ENOX1: variants seen among roughly 807,000 people sequenced by gnomAD.
ENOX1 encodes ecto-NOX disulfide-thiol exchanger 1.
In ENOX1, 42 loss-of-function variants were observed where a neutral mutation model predicts 82.5. The ratio of observed to expected loss-of-function variants is 0.51; its 90% CI spans 0.40 to 0.66. The LOEUF is 0.66. Ranked by LOEUF, ENOX1 falls within the 30% of genes least tolerant of loss-of-function variation. The pLI, the probability that ENOX1 is intolerant of heterozygous loss-of-function variation, is 0.00. For missense variants in ENOX1, 608 were observed against 811.6 expected (o/e 0.75, Z 3.05); for synonymous variants, 271 against 282.2 (o/e 0.96, Z 0.40).
intron 2 of ENOX1, among the ~76,000 whole-genome samples, chr13:43,576,823 G>A (rs1168145316): frequency 6.6e-6 from 1 of 152,150 alleles, no homozygotes; most frequent in African/African-American, 2.4e-5. Context: ...CTCCATGAGG[G>A]CAGGAAAATG....
chr13:43,368,968 A>G (rs565582937), intron 5 of ENOX1, among the ~76,000 whole-genome samples: 4 of 152,152 alleles, frequency 2.6e-5, no homozygotes, highest in Admixed American at 1.3e-4. Context: ...CTGTCTCTCC[A>G]GCATGCCTTC....
intron 3 of ENOX1, among the ~76,000 whole-genome samples, chr13:43,441,550 C>G (rs2056356428): frequency 6.6e-6 from 1 of 152,132 alleles, no homozygotes; most frequent in South Asian, 2.1e-4. Context: ...ACTAGATGCT[C>G]TAGGCTAGAA....
chr13:43,725,300 C>A (rs1415789772), intron 1 of ENOX1, among the ~76,000 whole-genome samples: 2 of 152,130 alleles, frequency 1.3e-5, no homozygotes, highest in Non-Finnish European at 2.9e-5. Context: ...AATGCAATGA[C>A]TACAAAAGAC....
intron 12 of ENOX1, among the ~76,000 whole-genome samples, chr13:43,293,231 C>G (rs2046102334): frequency 6.6e-6 from 1 of 152,074 alleles, no homozygotes; most frequent in South Asian, 2.1e-4. Context: ...AGTCACCATC[C>G]TCTCACTACA....
chr13:43,467,556 A>G (rs1250378586), intron 3 of ENOX1, among the ~76,000 whole-genome samples: 1 of 147,232 alleles, frequency 6.8e-6, no homozygotes, highest in Non-Finnish European at 1.5e-5. Flanking sequence ...TATATCTGGT[A>G]TACTCTTTAT....
intron 2 of ENOX1, among the ~76,000 whole-genome samples, chr13:43,588,107 C>T (rs530667267): frequency 8.4e-4 from 128 of 152,260 alleles, no homozygotes; most frequent in African/African-American, 2.9e-3. Flanking sequence ...CTAATTAACT[C>T]CTTAAAAAAT....
chr13:43,749,878 T>C (rs955342543), intron 1 of ENOX1, among the ~76,000 whole-genome samples: 1 of 152,220 alleles, frequency 6.6e-6, no homozygotes, highest in African/African-American at 2.4e-5. Flanking sequence ...GATCCTTTGT[T>C]GAATTTATTA....
At chr13:43,531,688 C>T (rs1178552009) in intron 2 of ENOX1, among the ~76,000 whole-genome samples, 23 of 145,386 alleles carry the variant, frequency 1.6e-4, no homozygotes, top group Non-Finnish European at 1.8e-4. Context: ...TGTCCAACAA[C>T]GATAGACTGG....
intron 1 of ENOX1, among the ~76,000 whole-genome samples, chr13:43,706,556 T>G (rs55656735): frequency 6.6e-6 from 1 of 151,958 alleles, no homozygotes; most frequent in Middle Eastern, 3.4e-3. Flanking sequence ...AGCTTGACCA[T>G]ATGGTATTTT....
intron 5 of ENOX1, among the ~76,000 whole-genome samples, chr13:43,380,088 T>G (rs1177359192): frequency 2.6e-5 from 4 of 151,804 alleles, no homozygotes; most frequent in Non-Finnish European, 5.9e-5. Context: ...AAAATGAAAG[T>G]GACAGAAAAA....
At chr13:43,642,029 TACA>T (rs1342798778) in intron 2 of ENOX1, among the ~76,000 whole-genome samples, 5 of 152,172 alleles carry the variant, frequency 3.3e-5, no homozygotes, top group Admixed American at 6.5e-5. Context: ...TCATTTAATC[TACA>T]ACAAGATCAT....
chr13:43,559,304 T>C (rs938033257), intron 2 of ENOX1, among the ~76,000 whole-genome samples: 1 of 152,254 alleles, frequency 6.6e-6, no homozygotes, highest in African/African-American at 2.4e-5. Flanking sequence ...TTGATGTTTT[T>C]ATACTTTTTT....
At chr13:43,261,980 A>C (rs1002676063) in intron 14 of ENOX1, among the ~76,000 whole-genome samples, 1 of 151,996 alleles carries the variant, frequency 6.6e-6, no homozygotes, top group African/African-American at 2.4e-5. Flanking sequence ...CCTAAAACTT[A>C]AAGTATAATA....
rs1194022916 is a variant in ENOX1 at position 43,344,655 on chromosome 13, C to A, written c.919G>T (p.Val307Leu). 1 of 1,613,926 alleles carries A rather than the reference C, an allele frequency of 6.2e-7. No homozygotes were observed. Among genetic ancestry groups the A allele is most frequent in the Non-Finnish European group, 8.5e-7 (1 of 1,180,034 alleles). ...CGGACGTGGCTGTTGGCCGACTGCA[C>A]CATGGAATAGAACTGGTTTGCAGAG... ...RRSANQFYSM[V>L]QSANSHVRRL... is the part of the protein sequence containing the mutation. The change falls in exon 9 of 17, where the codon GTG becomes TTG. Residue 307 changes from valine (V) to leucine (L), a missense_variant. Coordinates refer to ENST00000690772, the MANE Select transcript of ENOX1 (RefSeq NM_001347969.2).
chr13:43,517,526 C>A (rs2077600259), intron 2 of ENOX1, among the ~76,000 whole-genome samples: 1 of 152,032 alleles, frequency 6.6e-6, no homozygotes, highest in Non-Finnish European at 1.5e-5. Context: ...GTTTGTAGGT[C>A]TCTACAAGTT....
At chr13:43,427,457 G>A (rs1441934111) in intron 3 of ENOX1, among the ~76,000 whole-genome samples, 1 of 152,192 alleles carries the variant, frequency 6.6e-6, no homozygotes, top group African/African-American at 2.4e-5. Flanking sequence ...ACCCTAGCCT[G>A]GATGTCTGTT....
At chr13:43,273,225 T>G (rs1292487836) in intron 12 of ENOX1, among the ~76,000 whole-genome samples, 1 of 152,286 alleles carries the variant, frequency 6.6e-6, no homozygotes, top group East Asian at 1.9e-4. Flanking sequence ...TTTCATCACC[T>G]TCACAACCTC....
At chr13:43,236,814 C>T (rs2042575248) in intron 14 of ENOX1, 76 bp from the exon 15 acceptor site, 1 of 699,760 alleles carries the variant, frequency 1.4e-6, no homozygotes, top group Admixed American at 3.5e-5. Context: ...CACCAGATCT[C>T]TTAAACTCTA....
chr13:43,407,746 A>G (rs1309477960), intron 5 of ENOX1, among the ~76,000 whole-genome samples: 1 of 152,188 alleles, frequency 6.6e-6, no homozygotes, highest in Non-Finnish European at 1.5e-5. Context: ...CCACCTAAGT[A>G]TAATACTTAT....
Sources: gnomAD v4.1 joint callset for allele counts (sites outside exome capture counted in the v4.1 genomes callset) on GRCh38, gnomAD v4.1.1 for gene constraint, MANE v1.5 for transcripts, NCBI Gene and HGNC (gene_info 2026-07-23, HGNC 2026-07-21) for gene names.